LRRC24: variants seen among roughly 807,000 people sequenced by gnomAD.
The protein encoded by LRRC24 is leucine-rich repeat-containing protein 24.
Under a neutral mutation model 15.3 loss-of-function variants are expected in LRRC24, and 19 were observed. The observed-to-expected ratio is 1.25, with a 90% CI of 0.87 to 1.83. The LOEUF is 1.83. LRRC24 is among the 40% of genes most tolerant of loss of function. The pLI, the probability that LRRC24 is intolerant of heterozygous loss-of-function variation, is 0.00. For synonymous variants in LRRC24, 469 were observed against 359.6 expected (o/e 1.30, Z -3.44); for missense variants, 914 against 723.9 (o/e 1.26, Z -3.01).
Position 144,524,545 on chromosome 8 carries a change from C to A in LRRC24, c.334G>T (p.Gly112Cys). ...ELALTSNRLR[G>C]LRSGAFVGLA... ...CCTACGAAGGCGCCGCTGCGCAAGC[C>A]GCGCAGCCGGTTGCTAGTGAGCGCC... is the stretch of plus-strand genomic sequence containing the variant. Residue 112 changes from glycine (G) to cysteine (C), a missense_variant, in exon 3 of 5, where the codon GGC becomes TGC. Transcript: ENST00000529415. 6.3e-7 allele frequency: 1 copy of A among 1,582,528 alleles called. No homozygotes were observed. The highest frequency in any genetic ancestry group is 8.5e-7 in the Non-Finnish European group (1 of 1,172,768).
At chr8:144,526,131 T>C (rs1816350902) in intron 1 of LRRC24, 1 of 152,194 alleles carries the variant, frequency 6.6e-6, no homozygotes, top group Non-Finnish European at 1.5e-5. Context: ...TCGAGTCATG[T>C]GGAAAGGGAC....
rs767496091 is a variant in LRRC24, at chr8:144,522,939, G to A, written c.1078C>T (p.Leu360Phe). Reference protein sequence around the residue: ...AGGAARVPFRLLVNASRQQPQ... With the variant: ...AGGAARVPFRFLVNASRQQPQ... ...TGCTGCCGGGACGCGTTGACCAGGA[G>A]CCGGAAGGGCACGCGGGCAGCGCCG... Residue 360 changes from leucine to phenylalanine, a missense_variant, in exon 5 of 5, where the codon CTC (leucine) becomes TTC (phenylalanine). Coordinates refer to ENST00000529415, the MANE Select transcript of LRRC24 (RefSeq NM_001024678.4). The A allele has an allele frequency of 6.4e-7, 1 of 1,556,024 alleles. No individual in the cohort carries two copies. Among genetic ancestry groups the A allele is most frequent in the South Asian group, 1.2e-5 (1 of 86,446 alleles).
Position 144,522,624 on chromosome 8 carries a change from C to A in LRRC24, c.1393G>T (p.Glu465Ter). ...TFAQLEELRD[E>*]RGHEMFVINR... ...ATGACGAACATCTCGTGGCCGCGCT[C>A]GTCGCGGAGCTCCTCTAGCTGTGCG... The change falls in exon 5 of 5, where the codon GAG becomes TAG. Residue 465 changes from glutamate (E) to a stop codon, truncating the protein, a stop_gained. Coordinates refer to ENST00000529415, the MANE Select transcript of LRRC24 (RefSeq NM_001024678.4). LOFTEE classifies it low-confidence loss of function (END_TRUNC). 1 of 1,574,204 alleles carries A rather than the reference C, an allele frequency of 6.4e-7. No homozygotes were observed. The highest frequency in any genetic ancestry group is 8.6e-7 in the Non-Finnish European group (1 of 1,162,670).
chr8:144,523,804 G>A, intron 4 of LRRC24: 2 of 460,440 alleles, frequency 4.3e-6, no homozygotes, highest in Non-Finnish European at 3.8e-6. Context: ...AATGTCCCCA[G>A]TCCTGGTCAG....
At chr8:144,523,499 C>T in intron 4 of LRRC24, 90 bp from the exon 5 acceptor site, 1 of 1,442,416 alleles carries the variant, frequency 6.9e-7, no homozygotes, top group Admixed American at 2.7e-5. Flanking sequence ...ACAGAGGCCT[C>T]TTTCCCACCT....
chr8:144,524,736 G>C lies in LRRC24; in HGVS notation c.160-17C>G. 6.9e-7 allele frequency: 1 copy of C among 1,442,008 alleles called. No individual in the cohort carries two copies. The highest frequency in any genetic ancestry group is 9.1e-7 in the Non-Finnish European group (1 of 1,104,468). The allele number at this position is 1,442,008 out of a possible 1,614,324, so 89.3% of individuals were successfully genotyped here. On this transcript the variant is annotated splice_polypyrimidine_tract_variant and intron_variant, in intron 2 of 4. Transcript: ENST00000529415. ...GAACAGTGTCTGCAGGCCGGGGAAA[G>C]AGGAGGCGCTTACCCCGTTGCGGGG...
chr8:144,524,039 T>G, intron 4 of LRRC24, 71 bp downstream of exon 4: 1 of 1,531,108 alleles, frequency 6.5e-7, no homozygotes, highest in Middle Eastern at 2.4e-4. Flanking sequence ...TCAGAGCCCC[T>G]CCACACATGA....
At chr8:144,526,934 T>G (rs970133472) in intron 1 of LRRC24, 26 bp downstream of exon 1, 1 of 152,342 alleles carries the variant, frequency 6.6e-6, no homozygotes, top group South Asian at 2.1e-4. Flanking sequence ...CCACGCCTGG[T>G]GACCTTGGGT....
At position 144,524,407 on chromosome 8, in the gene LRRC24, G is replaced by A. The variant is rs768154408; in HGVS notation, c.438+34C>T. On this transcript the variant is annotated intron_variant, in intron 3 of 4. Coordinates refer to ENST00000529415, the MANE Select transcript of LRRC24 (RefSeq NM_001024678.4). ...CCCTACAGGGCGAGGGGCCATAATGGAGTATCCCGCCCCTTTAGACCCCAG... is the reference window on the plus strand; with the variant it reads ...CCCTACAGGGCGAGGGGCCATAATGAAGTATCCCGCCCCTTTAGACCCCAG... The A allele has an allele frequency of 1.9e-6, 3 of 1,596,054 alleles. No individual in the cohort carries two copies. In the South Asian group the frequency reaches 3.3e-5, roughly 18 times the overall value.
chr8:144,523,582 G>A, intron 4 of LRRC24, 173 bp from the exon 5 acceptor site: 2 of 1,057,358 alleles, frequency 1.9e-6, no homozygotes, highest in Non-Finnish European at 2.5e-6. Context: ...GGGGCGGCAG[G>A]CCCTTCACCC....
Position 144,522,783 on chromosome 8 carries a change from C to T in LRRC24, c.1234G>A (p.Ala412Thr). ...ATQTAIAAAI[A>T]LLALTALLLV... ...AGCAGCGCCGTGAGCGCCAGCAGCGCGATGGCCGCCGCAATGGCCGTCTGT... is the reference window on the plus strand; with the variant it reads ...AGCAGCGCCGTGAGCGCCAGCAGCGTGATGGCCGCCGCAATGGCCGTCTGT... Residue 412 changes from alanine to threonine, a missense_variant, in exon 5 of 5, where the codon GCG becomes ACG. Coordinates refer to ENST00000529415, the MANE Select transcript of LRRC24 (RefSeq NM_001024678.4). 1 of 1,554,336 alleles carries T rather than the reference C, an allele frequency of 6.4e-7. No individual in the cohort carries two copies. The highest frequency in any genetic ancestry group is 8.7e-7 in the Non-Finnish European group (1 of 1,154,356).
Position 144,525,052 on chromosome 8 carries a change from G to T in LRRC24, c.-59-19C>A. ...TGCCCTCCTGAAACACAGGTTGGCA[G>T]GCCAGTCTCGGCAGTCGAGAGCCAG... On this transcript the variant is annotated intron_variant, in intron 1 of 4. Transcript: ENST00000529415. 7.4e-7 allele frequency: 1 copy of T among 1,355,740 alleles called. No homozygotes were observed. Among genetic ancestry groups the T allele is most frequent in the Non-Finnish European group, 9.5e-7 (1 of 1,057,594 alleles). The allele number at this position is 1,355,740 out of a possible 1,614,324, so 84.0% of individuals were successfully genotyped here. A position where few individuals can be genotyped will look rare whatever the true frequency, so the allele number is the denominator to read the frequency against.
rs926625313 is a variant in LRRC24, at chr8:144,524,504, G to A, written c.375C>T (p.Arg125=). 1.5e-5 allele frequency: 24 copies of A among 1,596,524 alleles called. No individual in the cohort carries two copies. Among genetic ancestry groups the A allele is most frequent in the Middle Eastern group, 1.7e-4 (1 of 5,898 alleles). Residue 125 remains arginine (R), a synonymous_variant, in exon 3 of 5, where the codon CGC becomes CGT. Transcript: ENST00000529415. ...SGAFVGLAQL[R]VLYLAGNQLA... ...GCTGGTTGCCCGCCAGGTAGAGCACGCGCAGCTGGGCCAGGCCTACGAAGG... is the reference window on the plus strand; with the variant it reads ...GCTGGTTGCCCGCCAGGTAGAGCACACGCAGCTGGGCCAGGCCTACGAAGG...
Position 144,522,507 on chromosome 8 carries a change from G to A in LRRC24, c.1510C>T (p.Pro504Ser), listed in dbSNP as rs1353309803. 10 of 1,499,246 alleles carry A rather than the reference G, an allele frequency of 6.7e-6. No individual in the cohort carries two copies. Among genetic ancestry groups the A allele is most frequent in the African/African-American group, 4.3e-5 (3 of 69,106 alleles). 92.9% of individuals were successfully genotyped at this position (1,499,246 alleles called of 1,614,324 possible). A position where few individuals can be genotyped will look rare whatever the true frequency, so the allele number is the denominator to read the frequency against. The change falls in exon 5 of 5, where the codon CCC becomes TCC. Residue 504 changes from proline (P) to serine (S), a missense_variant. Transcript: ENST00000529415. The part of the protein sequence containing the change: ...EQGAGPGLRV[P>S]PPVAYEIHC ...TGGATCTCGTAGGCGACCGGCGGGG[G>A]CACGCGGAGTCCCGGCCCCGCCCCC...
In LRRC24 at chr8:144,527,033, G is replaced by C. The variant is rs1323470429; in HGVS notation, c.-133C>G. On this transcript the variant is annotated 5_prime_UTR_variant, in exon 1 of 5. Coordinates refer to ENST00000529415, the MANE Select transcript of LRRC24 (RefSeq NM_001024678.4). ...GGCCCGAGCAGTCGCCGGGCTGGGA[G>C]GGGGCGGGGGACGCTCGCGCACGCG... 1.6e-4 allele frequency: 25 copies of C among 157,548 alleles called. No individual in the cohort carries two copies. The Admixed American group carries it at 1.6e-3, about 10-fold the overall frequency. The allele number at this position is 157,548 out of a possible 1,614,324, so 9.8% of individuals were successfully genotyped here.
Position 144,522,942 on chromosome 8 carries a change from G to C in LRRC24, c.1075C>G (p.Arg359Gly). 6.4e-7 allele frequency: 1 copy of C among 1,558,244 alleles called. No homozygotes were observed. The highest frequency in any genetic ancestry group is 2.0e-4 in the Middle Eastern group (1 of 5,122). ...TGCCGGGACGCGTTGACCAGGAGCC[G>C]GAAGGGCACGCGGGCAGCGCCGCCG... Reference protein sequence around the residue: ...NAGGAARVPFRLLVNASRQQP... With the variant: ...NAGGAARVPFGLLVNASRQQP... The change falls in exon 5 of 5, where the codon CGG (arginine) becomes GGG (glycine). Residue 359 changes from arginine to glycine, a missense_variant. Arg to Gly is a moderately radical substitution (Grantham distance 125, BLOSUM62 -2). Transcript: ENST00000529415.
rs764614199 is a variant in LRRC24, at chr8:144,524,488, C to T, written c.391G>A (p.Gly131Ser). Residue 131 changes from glycine to serine, a missense_variant, in exon 3 of 5, where the codon GGC becomes AGC. Physicochemically the swap from Gly to Ser is moderately conservative, Grantham distance 56 (BLOSUM62 0). Coordinates refer to ENST00000529415, the MANE Select transcript of LRRC24 (RefSeq NM_001024678.4). The stretch of plus-strand genomic sequence containing the variant: ...TCCAGCAGCCGCGCCAGCTGGTTGC[C>T]CGCCAGGTAGAGCACGCGCAGCTGG... Reference protein sequence around the residue: ...LAQLRVLYLAGNQLARLLDFT... With the variant: ...LAQLRVLYLASNQLARLLDFT... 1 of 1,597,552 alleles carries T rather than the reference C, an allele frequency of 6.3e-7. No individual in the cohort carries two copies. Among genetic ancestry groups the T allele is most frequent in the South Asian group, 1.1e-5 (1 of 90,996 alleles).
rs58808732 is a variant in LRRC24, at chr8:144,525,287, TCTC to T, written c.-59-257_-59-255del. On this transcript the variant is annotated intron_variant, in intron 1 of 4. Transcript: ENST00000529415. Reference sequence around the variant, plus strand: ...GGAGAGCCACCCAACCCTGTCACCTTCTCCTTCTCCACCCATGCCCAGCAGGTC... The same window carrying T: ...GGAGAGCCACCCAACCCTGTCACCTTCTTCTCCACCCATGCCCAGCAGGTC... 2,054 of 240,142 alleles carry T rather than the reference TCTC, an allele frequency of 8.6e-3. 36 individuals are homozygous for T. Among genetic ancestry groups the T allele is most frequent in the African/African-American group, 0.042 (1,886 of 44,656 alleles). 14.9% of individuals were successfully genotyped at this position (240,142 alleles called of 1,614,324 possible).
rs1335998449 is a variant in LRRC24 at position 144,523,110 on chromosome 8, G to A, written c.907C>T (p.Arg303Trp). 6.2e-7 allele frequency: 1 copy of A among 1,609,340 alleles called. No individual in the cohort carries two copies. Among genetic ancestry groups the A allele is most frequent in the Non-Finnish European group, 8.5e-7 (1 of 1,179,510 alleles). Residue 303 changes from arginine (R) to tryptophan (W), a missense_variant, in exon 5 of 5, where the codon CGG (arginine) becomes TGG (tryptophan). Coordinates refer to ENST00000529415, the MANE Select transcript of LRRC24 (RefSeq NM_001024678.4). ...TCTAGCTGGGCCTGGGCTCGCGGCCGGCCCTCGCGAGGCTGGGGCACCTTT... is the reference window on the plus strand; with the variant it reads ...TCTAGCTGGGCCTGGGCTCGCGGCCAGCCCTCGCGAGGCTGGGGCACCTTT... ...WRKVPQPREG[R>W]PRAQAQLEGG...
Sources: gnomAD v4.1 joint callset for allele counts on GRCh38, gnomAD v4.1.1 for gene constraint, MANE v1.5 for transcripts, NCBI Gene and HGNC (gene_info 2026-07-23, HGNC 2026-07-21) for gene names.